AGBL1: variants seen among roughly 807,000 people sequenced by gnomAD.
The protein encoded by AGBL1 is cytosolic carboxypeptidase 4.
Under a neutral mutation model 118.9 loss-of-function variants are expected in AGBL1, and 130 were observed. That is an observed-to-expected ratio of 1.09 (90% CI 0.95 to 1.26). AGBL1 has a LOEUF of 1.26. Among genes scored for constraint, AGBL1 ranks in the 50% most tolerant of loss-of-function variants. AGBL1 has a pLI of 0.00. For missense variants in AGBL1, 1,584 were observed against 1,298.1 expected, an observed-to-expected ratio of 1.22 and a Z score of -3.38; for synonymous variants, 555 against 478.9, an observed-to-expected ratio of 1.16 and a Z score of -2.08.
intron 18 of AGBL1, among the ~76,000 whole-genome samples, chr15:86,483,112 C>G (rs191786058): frequency 6.6e-6 from 1 of 152,038 alleles, no homozygotes; most frequent in South Asian, 2.1e-4. Flanking sequence ...CATGTATATG[C>G]TCAACTGAGC....
chr15:86,108,243 T>G (rs1333065292), intron 1 of AGBL1, among the ~76,000 whole-genome samples: 1 of 152,240 alleles, frequency 6.6e-6, no homozygotes, highest in Admixed American at 6.5e-5. Flanking sequence ...TAGAACAGGT[T>G]GAGCATAATA....
At chr15:86,302,280 T>C (rs775666159) in intron 17 of AGBL1, among the ~76,000 whole-genome samples, 3 of 152,206 alleles carry the variant, frequency 2.0e-5, no homozygotes, top group African/African-American at 4.8e-5. Context: ...TAATATCATT[T>C]GGTTCTTATA....
chr15:86,806,592 G>A (rs2078716972), intron 22 of AGBL1, among the ~76,000 whole-genome samples: 1 of 152,056 alleles, frequency 6.6e-6, no homozygotes, highest in South Asian at 2.1e-4. Flanking sequence ...GTGAACTTAA[G>A]CAAGCTTCTT....
At chr15:86,140,249 G>A (rs1381908714) in intron 1 of AGBL1, 4 of 149,384 alleles carry the variant, frequency 2.7e-5, no homozygotes, top group African/African-American at 7.4e-5. Context: ...GATTACTGTG[G>A]GTTTTTTTTT....
At chr15:86,886,002 C>T (rs2079964527) in intron 22 of AGBL1, among the ~76,000 whole-genome samples, 1 of 152,168 alleles carries the variant, frequency 6.6e-6, no homozygotes, top group African/African-American at 2.4e-5. Context: ...GGAAACAGTT[C>T]CAAGATAACA....
intron 23 of AGBL1, among the ~76,000 whole-genome samples, chr15:86,926,615 GA>G (rs2080543575): frequency 6.6e-6 from 1 of 152,232 alleles, no homozygotes; most frequent in African/African-American, 2.4e-5. Flanking sequence ...CCATAGACTG[GA>G]TGGAGACTTA....
chr15:87,007,161 G>T lies in AGBL1; in HGVS notation c.3323+19073G>T, dbSNP rs529454245. ...AAAGCCACTGAAGAAAAATTGTTTG[G>T]TATTCATTTGAAATATACAGTACAT... On this transcript the variant is annotated intron_variant, in intron 24 of 24. Transcript: ENST00000441037. Among the ~76,000 whole-genome samples the T allele has an allele frequency of 3.9e-5, 6 of 152,136 alleles. No homozygotes were observed. The South Asian group carries it at 1.2e-3, about 32-fold the overall frequency.
intron 15 of AGBL1, among the ~76,000 whole-genome samples, chr15:86,271,985 C>G (rs116838685): frequency 0.01 from 1,584 of 152,318 alleles, 30 homozygotes; most frequent in African/African-American, 0.035. Context: ...TATTAGAAGT[C>G]ATAGAGATTC....
At chr15:86,863,456 C>T (rs188327525) in intron 22 of AGBL1, among the ~76,000 whole-genome samples, 65 of 151,994 alleles carry the variant, frequency 4.3e-4, no homozygotes, top group African/African-American at 1.4e-3. Flanking sequence ...GTCTCATCCA[C>T]AGCATGGCCA....
chr15:86,534,931 G>A (rs1295811564), intron 19 of AGBL1, among the ~76,000 whole-genome samples: 1 of 152,164 alleles, frequency 6.6e-6, no homozygotes, highest in Non-Finnish European at 1.5e-5. Flanking sequence ...TTATAGGTTA[G>A]CAGAGATGTT....
intron 1 of AGBL1, among the ~76,000 whole-genome samples, chr15:86,122,561 GGA>G (rs1347685188): frequency 2.6e-5 from 4 of 152,082 alleles, no homozygotes; most frequent in Middle Eastern, 3.4e-3. Flanking sequence ...CACTGACCCT[GGA>G]TATATAACAG....
At chr15:86,476,088 T>C (rs4377130) in intron 18 of AGBL1, among the ~76,000 whole-genome samples, 104,043 of 152,030 alleles carry the variant, frequency 0.68, 36,822 homozygotes, top group African/African-American at 0.83. Flanking sequence ...AAGTACTAAA[T>C]ATGGAAAGGA....
intron 24 of AGBL1, among the ~76,000 whole-genome samples, chr15:86,992,356 G>A (rs1363918018): frequency 6.6e-6 from 1 of 152,034 alleles, no homozygotes; most frequent in South Asian, 2.1e-4. Flanking sequence ...GGAAACATCG[G>A]AACTATGTAA....
chr15:87,002,163 T>A (rs1329786653), intron 24 of AGBL1, among the ~76,000 whole-genome samples: 1 of 152,104 alleles, frequency 6.6e-6, no homozygotes, highest in Non-Finnish European at 1.5e-5. Flanking sequence ...GTATAAGGTA[T>A]AAGGAAGGGA....
chr15:86,678,264 T>C (rs1487132249), intron 22 of AGBL1, among the ~76,000 whole-genome samples: 2 of 152,142 alleles, frequency 1.3e-5, no homozygotes, highest in East Asian at 1.9e-4. Context: ...TAAATAGACA[T>C]ACAGTACTCT....
intron 24 of AGBL1, among the ~76,000 whole-genome samples, chr15:87,018,878 T>C (rs6496387): frequency 0.46 from 69,851 of 151,870 alleles, 18,557 homozygotes; most frequent in African/African-American, 0.73. Flanking sequence ...CTTCAAGATA[T>C]TCATCTCACA....
chr15:86,236,266 C>A (rs2078540769), intron 6 of AGBL1, among the ~76,000 whole-genome samples: 1 of 152,120 alleles, frequency 6.6e-6, no homozygotes, highest in African/African-American at 2.4e-5. Flanking sequence ...GCAACCACTG[C>A]CCACAGACCG....
rs529918958 is a variant in AGBL1, at chr15:86,782,870, T to A, written c.3158+108434T>A. Among the ~76,000 whole-genome samples the A allele has an allele frequency of 2.6e-5, 4 of 152,348 alleles. No individual in the cohort carries two copies. The East Asian group carries it at 7.7e-4, about 29-fold the overall frequency. ...GAATTAAAGACAGTGGGGCCATTTT[T>A]GTTAAATTTGACAAGCCCCAAAGCT... On this transcript the variant is annotated intron_variant, in intron 22 of 22. Coordinates refer to ENST00000614907, the MANE Select transcript of AGBL1 (RefSeq NM_001386094.1).
chr15:86,869,077 A>T (rs1390253648), intron 22 of AGBL1, among the ~76,000 whole-genome samples: 1 of 152,252 alleles, frequency 6.6e-6, no homozygotes, highest in African/African-American at 2.4e-5. Context: ...CCTTGGTGGC[A>T]GGGTGATAAA....
Sources: allele counts gnomAD v4.1 joint callset (sites outside exome capture counted in the v4.1 genomes callset), GRCh38; gene constraint gnomAD v4.1.1; transcripts MANE v1.5; gene names NCBI Gene and HGNC (gene_info 2026-07-23, HGNC 2026-07-21).